The following LINGO2 variants were observed in gnomAD, a reference collection of about 807,000 sequenced individuals.
LINGO2 encodes the protein leucine-rich repeat and immunoglobulin-like domain-containing nogo receptor-interacting protein 2.
In LINGO2, 14 loss-of-function variants were observed where a neutral mutation model predicts 30.6. That is an observed-to-expected ratio of 0.46 (90% CI 0.30 to 0.72). The LOEUF is 0.72. Among genes scored for constraint, LINGO2 ranks in the 30% least tolerant of loss-of-function variants. LINGO2 has a pLI of 0.07. For missense variants in LINGO2, 729 were observed against 751.7 expected (o/e 0.97, Z 0.35); for synonymous variants, 317 against 288.5 (o/e 1.10, Z -1.00).
chr9:28,999,885 C>T, the LINGO2 span, among the ~76,000 whole-genome samples: 1 of 147,572 alleles, frequency 6.8e-6, no homozygotes, highest in Non-Finnish European at 1.5e-5. Context: ...TCCTCCGATA[C>T]ATTTCTAAAT....
intron 2 of LINGO2, among the ~76,000 whole-genome samples, chr9:28,456,434 TAATA>T (rs1824849527): frequency 6.6e-6 from 1 of 152,140 alleles, no homozygotes; most frequent in Admixed American, 6.5e-5. Context: ...TTCTTACAAA[TAATA>T]AATACTTTCA....
the LINGO2 span, among the ~76,000 whole-genome samples, chr9:28,797,353 T>TAGAGAGAGAG: frequency 6.0e-3 from 366 of 60,832 alleles, 2 homozygotes; most frequent in South Asian, 9.5e-3. Flanking sequence ...TATATATATA[T>TAGAGAGAGAG]ATATATAGAG....
At position 28,129,240 on chromosome 9, in the gene LINGO2, C is replaced by A. The variant is rs970127403; in HGVS notation, c.-86-116835G>T. Among the ~76,000 whole-genome samples the A allele has an allele frequency of 1.3e-5, 2 of 152,134 alleles. No individual in the cohort carries two copies. The highest frequency in any genetic ancestry group is 2.9e-5 in the Non-Finnish European group (2 of 68,030). On this transcript the variant is annotated intron_variant, in intron 4 of 5. Transcript: ENST00000379992. This position sits in a 1 kb window ranked among gnomAD's most constrained non-coding sequence, Gnocchi z 4.0. ...CTATCGTGGGACTTCACCTGGTAAT[C>A]GTGGGAGTCAATTCTCCTTAATAAA...
chr9:28,036,247 T>A lies in LINGO2; in HGVS notation c.-86-23842A>T, dbSNP rs147010324. On this transcript the variant is annotated intron_variant, in intron 4 of 5. Coordinates refer to ENST00000379992, the Ensembl canonical transcript of LINGO2. ...CAAACAGCCCATCATCATGTAGAAA[T>A]GTAGAAACATTGTGCTGTTCACAAT... Among the ~76,000 whole-genome samples the A allele has an allele frequency of 3.3e-5, 5 of 152,320 alleles. 1 individual carries two copies. The highest frequency in any genetic ancestry group is 3.3e-4 in the Admixed American group (5 of 15,298).
At chr9:29,013,556 T>G in the LINGO2 span, among the ~76,000 whole-genome samples, 1 of 151,946 alleles carries the variant, frequency 6.6e-6, no homozygotes, top group Admixed American at 6.6e-5. Flanking sequence ...CCACTTAGAG[T>G]GTTAGATGCC....
the LINGO2 span, among the ~76,000 whole-genome samples, chr9:28,886,030 G>A: frequency 6.6e-6 from 1 of 151,938 alleles, no homozygotes; most frequent in Admixed American, 6.6e-5. Flanking sequence ...ATTTTCCTAT[G>A]GTGGGCAAAT....
Position 28,669,010 on chromosome 9 carries a change from T to A in LINGO2, c.-365+1190A>T, listed in dbSNP as rs201767891. On this transcript the variant is annotated intron_variant, in intron 1 of 5. Coordinates refer to ENST00000379992, the Ensembl canonical transcript of LINGO2. ...TTTTATCAATGATGCCTTTAATTTT[T>A]AAAAAATTTGACCAATATTGTGTAT... 3.4e-4 allele frequency among the ~76,000 whole-genome samples: 51 copies of A among 152,226 alleles called. No homozygotes were observed. The East Asian group carries it at 9.6e-3, about 29-fold the overall frequency.
At chr9:28,891,158 A>C in the LINGO2 span, among the ~76,000 whole-genome samples, 1 of 152,046 alleles carries the variant, frequency 6.6e-6, no homozygotes, top group African/African-American at 2.4e-5. Context: ...ACAGAGGAGG[A>C]AATGTTGAAG....
At chr9:28,966,457 A>G in the LINGO2 span, among the ~76,000 whole-genome samples, 98,617 of 151,848 alleles carry the variant, frequency 0.65, 32,692 homozygotes, top group Non-Finnish European at 0.72. Flanking sequence ...TTTTTTTTCC[A>G]GATAAAGCAA....
At chr9:28,899,982 C>A in the LINGO2 span, among the ~76,000 whole-genome samples, 1 of 152,168 alleles carries the variant, frequency 6.6e-6, no homozygotes, top group Admixed American at 6.5e-5. Flanking sequence ...CCTGTGTAAT[C>A]AGGTTCCAGG....
the LINGO2 span, among the ~76,000 whole-genome samples, chr9:28,776,867 A>G: frequency 1.3e-5 from 2 of 151,052 alleles, no homozygotes; most frequent in Non-Finnish European, 2.9e-5. Context: ...GACAGAAGTT[A>G]CTCCATAATA....
chr9:28,386,365 G>A (rs1460065949), intron 2 of LINGO2, among the ~76,000 whole-genome samples: 1 of 152,084 alleles, frequency 6.6e-6, no homozygotes, highest in African/African-American at 2.4e-5. Context: ...GGGCGGGTGT[G>A]TTTACTCAAT....
the LINGO2 span, among the ~76,000 whole-genome samples, chr9:28,770,134 G>A: frequency 2.0e-5 from 3 of 152,106 alleles, no homozygotes; most frequent in African/African-American, 4.8e-5. Flanking sequence ...TCAGCATGGG[G>A]TGCTGTCAGA....
chr9:28,656,522 G>A (rs1234897084), intron 1 of LINGO2, among the ~76,000 whole-genome samples: 1 of 151,962 alleles, frequency 6.6e-6, no homozygotes, highest in Non-Finnish European at 1.5e-5. Context: ...CTAATCATAA[G>A]GAAACATCAG....
chr9:28,945,451 A>G, the LINGO2 span, among the ~76,000 whole-genome samples: 1 of 152,254 alleles, frequency 6.6e-6, no homozygotes, highest in African/African-American at 2.4e-5. Flanking sequence ...GAGAACTATT[A>G]TTAACTCTTG....
chr9:28,118,561 G>C (rs1326775752), intron 4 of LINGO2, among the ~76,000 whole-genome samples: 3 of 152,144 alleles, frequency 2.0e-5, no homozygotes, highest in Non-Finnish European at 4.4e-5. Context: ...GAAAGCTTGA[G>C]AGTGGGCATT....
the LINGO2 span, among the ~76,000 whole-genome samples, chr9:29,026,628 T>A: frequency 6.6e-6 from 1 of 152,122 alleles, no homozygotes; most frequent in South Asian, 2.1e-4. Context: ...GAAGAAAATA[T>A]CCAAAAATAT....
intron 3 of LINGO2, among the ~76,000 whole-genome samples, chr9:28,343,117 A>C (rs1292190760): frequency 1.3e-5 from 2 of 152,220 alleles, no homozygotes; most frequent in Non-Finnish European, 2.9e-5. Flanking sequence ...CTGAGGATTT[A>C]GGAAACAGGA....
chr9:28,574,062 A>C (rs1823834505), intron 1 of LINGO2, among the ~76,000 whole-genome samples: 1 of 152,194 alleles, frequency 6.6e-6, no homozygotes, highest in Admixed American at 6.5e-5. Flanking sequence ...ACTTGATGAA[A>C]TACTGATCTT....
Sources: allele counts gnomAD v4.1 joint callset (sites outside exome capture counted in the v4.1 genomes callset), GRCh38; gene constraint gnomAD v4.1.1; non-coding constraint Gnocchi (gnomAD v3.1); transcripts MANE v1.5; gene names NCBI Gene and HGNC (gene_info 2026-07-23, HGNC 2026-07-21).